The following ABR variants were observed in gnomAD, a reference collection of about 807,000 sequenced individuals.
The protein encoded by ABR is ABR activator of RhoGEF and GTPase.
ABR carries 35 observed loss-of-function variants against 107.2 expected under a neutral mutation model. That is an observed-to-expected ratio of 0.33 (90% confidence interval 0.25 to 0.43). The LOEUF is 0.43. Among genes scored for constraint, ABR ranks in the 20% least tolerant of loss-of-function variants. The pLI is 1.00. For missense variants in ABR, 815 were observed against 1,115.2 expected (o/e 0.73, Z 3.83); for synonymous variants, 498 against 462.0 (o/e 1.08, Z -1.00).
At chr17:1,180,922 G>T (rs1260379254), upstream of ABR, among the ~76,000 whole-genome samples, 2 of 152,202 alleles carry the variant, frequency 1.3e-5, no homozygotes. Context: ...CAGGCCAGGG[G>T]GGTCCAGGGC....
In ABR at chr17:1,027,801, C is replaced by T. The variant is rs1770103590; in HGVS notation, c.1792-14637G>A. On this transcript the variant is annotated intron_variant, in intron 16 of 22. Coordinates refer to ENST00000302538, the MANE Select transcript of ABR (RefSeq NM_021962.5). The surrounding 1 kb of genome is among the most constrained non-coding windows in gnomAD (Gnocchi z 4.7). ...ATGAAGCTTTCTTCCCACCGGGAAA[C>T]AAGGAAGGGCGGTGGGCAGCCGGGC... 1.3e-5 allele frequency among the ~76,000 whole-genome samples: 2 copies of T among 151,970 alleles called. No homozygotes were observed. The highest frequency in any genetic ancestry group is 1.3e-4 in the Admixed American group (2 of 15,258).
At chr17:1,073,307 C>A (rs867620863) in intron 7 of ABR, among the ~76,000 whole-genome samples, 13 of 152,126 alleles carry the variant, frequency 8.5e-5, no homozygotes, top group Admixed American at 2.6e-4. Context: ...GCTCATCCCC[C>A]CGAGCAGCTG....
In ABR at chr17:1,150,168, A is replaced by G. The variant is rs114039073; in HGVS notation, c.62-24801T>C. On this transcript the variant is annotated intron_variant, in intron 1 of 22. Coordinates refer to ENST00000302538, the MANE Select transcript of ABR (RefSeq NM_021962.5). This position sits in a 1 kb window ranked among gnomAD's most constrained non-coding sequence, Gnocchi z 4.8. ...GGCTGACACACTTCTCAAAGCGCTGAGATTACAGACGTGAGCCACCGCGCC... is the reference window on the plus strand; with the variant it reads ...GGCTGACACACTTCTCAAAGCGCTGGGATTACAGACGTGAGCCACCGCGCC... 0.022 allele frequency among the ~76,000 whole-genome samples: 3,346 copies of G among 150,780 alleles called. 112 individuals are homozygous for G. Among genetic ancestry groups the G allele is most frequent in the East Asian group, 0.11 (559 of 5,030 alleles).
At chr17:1,208,504 G>C (rs1473391114) in intron 1 of ABR, among the ~76,000 whole-genome samples, 1 of 152,202 alleles carries the variant, frequency 6.6e-6, no homozygotes, top group Non-Finnish European at 1.5e-5. Flanking sequence ...AGAAGTCCTT[G>C]CTACTAATGA....
chr17:1,166,668 G>C (rs2041521991), intron 1 of ABR, among the ~76,000 whole-genome samples: 1 of 152,224 alleles, frequency 6.6e-6, no homozygotes, highest in African/African-American at 2.4e-5. Flanking sequence ...TTCCCATCCA[G>C]TGTGGGCAGC....
chr17:1,182,949 G>C (rs1448404215), upstream of ABR, among the ~76,000 whole-genome samples: 4 of 152,302 alleles, frequency 2.6e-5, no homozygotes, highest in South Asian at 8.3e-4. Context: ...AAGTGTGTGA[G>C]CCTTTGAGCA....
chr17:1,086,476 A>T (rs1040633873), intron 4 of ABR, among the ~76,000 whole-genome samples: 1 of 152,100 alleles, frequency 6.6e-6, no homozygotes, highest in Non-Finnish European at 1.5e-5. Context: ...GAACTGTAAA[A>T]TATGATATAT....
chr17:1,013,258 A>G (rs1567570175), intron 16 of ABR, 94 bp from the exon 17 acceptor site: 3 of 1,230,398 alleles, frequency 2.4e-6, no homozygotes, highest in Non-Finnish European at 3.6e-6. Context: ...CCAGCTACAC[A>G]GTCAGGAAGG....
At chr17:1,049,600 C>G (rs2032214808) in intron 16 of ABR, among the ~76,000 whole-genome samples, 2 of 152,170 alleles carry the variant, frequency 1.3e-5, no homozygotes, top group African/African-American at 4.8e-5. Context: ...CCCCCCAAGC[C>G]AACCAGCAGG....
chr17:1,213,465 C>T (rs1213959522), intron 1 of ABR, among the ~76,000 whole-genome samples: 1 of 150,430 alleles, frequency 6.6e-6, no homozygotes, highest in Non-Finnish European at 1.5e-5. Flanking sequence ...TCTCGGCTCA[C>T]TGCAACCTCC....
At chr17:1,039,440 G>C (rs1360054832) in intron 16 of ABR, 1 of 152,340 alleles carries the variant, frequency 6.6e-6, no homozygotes, top group Non-Finnish European at 1.5e-5. Context: ...AGCTTTCGAC[G>C]GCAGGGCAGG....
At chr17:1,076,560 C>A (rs1178374690) in intron 6 of ABR, among the ~76,000 whole-genome samples, 1 of 151,974 alleles carries the variant, frequency 6.6e-6, no homozygotes, top group Non-Finnish European at 1.5e-5. Flanking sequence ...TCTTGGGTCC[C>A]AAGAGGAAGA....
At chr17:1,041,418 G>A (rs1340103117) in intron 16 of ABR, among the ~76,000 whole-genome samples, 1 of 152,156 alleles carries the variant, frequency 6.6e-6, no homozygotes, top group African/African-American at 2.4e-5. Context: ...GGTGGGGTAG[G>A]AATAGTTACC....
rs2035871119 is a variant in ABR, at chr17:1,078,028, C to G, written c.700+1302G>C. Among the ~76,000 whole-genome samples, 1 of 43,762 alleles carries G rather than the reference C, an allele frequency of 2.3e-5. No individual in the cohort carries two copies. The highest frequency in any genetic ancestry group is 1.6e-4 in the Admixed American group (1 of 6,098). The allele number at this position is 43,762 out of a possible 152,430, so 28.7% of individuals were successfully genotyped here. A position where few individuals can be genotyped will look rare whatever the true frequency, so the allele number is the denominator to read the frequency against. ...GTCGTGTTGATGACATGCACCTGTC[C>G]CGGGACTTCCCCCCAGCCCCCAGCC... On this transcript the variant is annotated intron_variant, in intron 6 of 22. Transcript: ENST00000302538. The surrounding 1 kb of genome is among the most constrained non-coding windows in gnomAD (Gnocchi z 7.5).
intron 16 of ABR, among the ~76,000 whole-genome samples, chr17:1,020,885 C>T (rs911710156): frequency 6.6e-6 from 1 of 152,160 alleles, no homozygotes; most frequent in Non-Finnish European, 1.5e-5. Flanking sequence ...CTGCTCCCGG[C>T]CAGCTCCCCG....
Position 1,073,662 on chromosome 17 carries a change from G to C in ABR, c.716C>G (p.Pro239Arg). Residue 239 changes from proline (P) to arginine (R), a missense_variant, in exon 7 of 23, where the codon CCC becomes CGC. Pro to Arg is a moderately radical substitution (Grantham distance 103, BLOSUM62 -2). Around this residue, in one of 5 missense-constraint regions of ABR, gnomAD observed 385 missense variants for 596.9 expected, o/e 0.64. Coordinates refer to ENST00000302538, the MANE Select transcript of ABR (RefSeq NM_021962.5). Reference sequence around the variant, plus strand: ...GGTGCTCCGAGTGACCCGGTCAATGGGCTTGTAGAGCAGAGCTGTCGGGGG... The same window carrying C: ...GGTGCTCCGAGTGACCCGGTCAATGCGCTTGTAGAGCAGAGCTGTCGGGGG... ...SVTMEALLYK[P>R]IDRVTRSTLV... The C allele has an allele frequency of 6.2e-7, 1 of 1,606,210 alleles. No individual in the cohort carries two copies. The highest frequency in any genetic ancestry group is 8.5e-7 in the Non-Finnish European group (1 of 1,175,402).
At chr17:1,049,918 C>T (rs573825746) in intron 16 of ABR, 132 bp downstream of exon 16, 4 of 1,306,996 alleles carry the variant, frequency 3.1e-6, no homozygotes, top group African/African-American at 1.5e-5. Flanking sequence ...GGAGAACCAC[C>T]TCCTGGGAAC....
chr17:1,022,202 G>C (rs2071743470), intron 16 of ABR, among the ~76,000 whole-genome samples: 1 of 152,148 alleles, frequency 6.6e-6, no homozygotes, highest in South Asian at 2.1e-4. Context: ...AGCTGTGTGG[G>C]CACATTTCAC....
At chr17:1,090,054 C>A (rs967766530) in intron 4 of ABR, among the ~76,000 whole-genome samples, 3 of 152,192 alleles carry the variant, frequency 2.0e-5, no homozygotes. Flanking sequence ...TGGCACAAGG[C>A]CTGCATTTGG....
Sources: allele counts gnomAD v4.1 joint callset (sites outside exome capture counted in the v4.1 genomes callset), GRCh38; gene constraint gnomAD v4.1.1; regional missense constraint gnomAD v4.1.1; non-coding constraint Gnocchi (gnomAD v3.1); transcripts MANE v1.5; gene names NCBI Gene and HGNC (gene_info 2026-07-23, HGNC 2026-07-21).